CHSY3: variants seen among roughly 807,000 people sequenced by gnomAD.
The protein encoded by CHSY3 is N-acetylgalactosaminyl-proteoglycan 3-beta-glucuronosyltransferase 3.
CHSY3 carries 35 observed loss-of-function variants against 67.2 expected under a neutral mutation model. The observed-to-expected ratio is 0.52, with a 90% CI of 0.40 to 0.69. The LOEUF (loss-of-function observed/expected upper bound fraction) is 0.69, where lower values mean the gene tolerates loss of function less well. Ranked by LOEUF, CHSY3 falls within the 30% of genes least tolerant of loss-of-function variation. The pLI, the probability that CHSY3 is intolerant of heterozygous loss-of-function variation, is 0.00. For synonymous variants in CHSY3, 474 were observed against 434.7 expected (o/e 1.09, Z -1.12); for missense variants, 1,069 against 1,138.5 (o/e 0.94, Z 0.88).
chr5:129,949,262 T>A (rs191586457), intron 2 of CHSY3, among the ~76,000 whole-genome samples: 1 of 152,204 alleles, frequency 6.6e-6, no homozygotes, highest in African/African-American at 2.4e-5. Flanking sequence ...ACAAAGAAGT[T>A]GGAAGGTATT....
chr5:130,078,555 T>C (rs1364364310), intron 2 of CHSY3, among the ~76,000 whole-genome samples: 1 of 152,184 alleles, frequency 6.6e-6, no homozygotes, highest in East Asian at 1.9e-4. Flanking sequence ...ATTGGATTTT[T>C]TTATTAGATA....
intron 2 of CHSY3, among the ~76,000 whole-genome samples, chr5:129,992,724 G>T (rs981129048): frequency 5.9e-5 from 9 of 152,166 alleles, no homozygotes; most frequent in African/African-American, 2.2e-4. Flanking sequence ...GCCATTAGTA[G>T]TGTTGTCACC....
chr5:130,185,136 A>G lies in CHSY3; in HGVS notation c.1994A>G (p.Gln665Arg). The change falls in exon 3 of 3, where the codon CAA (glutamine) becomes CGA (arginine). Residue 665 changes from glutamine (Q) to arginine (R), a missense_variant. By Grantham distance (43) the Gln-to-Arg change is conservative. Around this residue, in one of 5 missense-constraint regions of CHSY3, gnomAD observed 401 missense variants for 395.2 expected, o/e 1.01. Transcript: ENST00000305031. ...ATCCTTTTCAGTAGGGATTCTGGCCAAGACTCCAGCAAGCATATTGAGCTG... is the reference window on the plus strand; with the variant it reads ...ATCCTTTTCAGTAGGGATTCTGGCCGAGACTCCAGCAAGCATATTGAGCTG... ...VIILFSRDSGQDSSKHIELIK... is the reference protein window; with the variant it reads ...VIILFSRDSGRDSSKHIELIK... 6.2e-7 allele frequency: 1 copy of G among 1,601,612 alleles called. No homozygotes were observed. Among genetic ancestry groups the G allele is most frequent in the Non-Finnish European group, 8.6e-7 (1 of 1,168,662 alleles).
rs2149717748 is a variant in CHSY3 at position 130,138,544 on chromosome 5, A to G, written c.1087-45685A>G. Among the ~76,000 whole-genome samples, 4 of 152,322 alleles carry G rather than the reference A, an allele frequency of 2.6e-5. 1 individual carries two copies. In the South Asian group the frequency reaches 8.3e-4, roughly 32 times the overall value. On this transcript the variant is annotated intron_variant, in intron 2 of 2. Transcript: ENST00000305031. Reference sequence around the variant, plus strand: ...GCTACAGGCAAGAAGGTTAGACAGAAAGCTGATACTAAAAGAATGGCAGAC... The same window carrying G: ...GCTACAGGCAAGAAGGTTAGACAGAGAGCTGATACTAAAAGAATGGCAGAC...
intron 2 of CHSY3, among the ~76,000 whole-genome samples, chr5:129,979,856 C>G (rs906284848): frequency 6.6e-6 from 1 of 152,114 alleles, no homozygotes; most frequent in African/African-American, 2.4e-5. Flanking sequence ...AGTACATAAC[C>G]TTTTTCGCTT....
At chr5:130,026,918 C>T (rs1764560028) in intron 2 of CHSY3, among the ~76,000 whole-genome samples, 2 of 152,038 alleles carry the variant, frequency 1.3e-5, no homozygotes. Context: ...TGTGTGCATT[C>T]ACACATAAGT....
In CHSY3 at chr5:129,984,974, A is replaced by G. The variant is rs1402234938; in HGVS notation, c.1086+76614A>G. ...AATAATTTCTCCCATTCTATAGGCT[A>G]TTTATGCTGTTGATAGTTTTGTTTT... On this transcript the variant is annotated intron_variant, in intron 2 of 2. Transcript: ENST00000305031. Among the ~76,000 whole-genome samples, 7 of 151,832 alleles carry G rather than the reference A, an allele frequency of 4.6e-5. No individual in the cohort carries two copies. In the South Asian group the frequency reaches 8.3e-4, roughly 18 times the overall value.
chr5:130,021,364 G>A (rs1216518439), intron 2 of CHSY3, among the ~76,000 whole-genome samples: 2 of 151,850 alleles, frequency 1.3e-5, no homozygotes, highest in African/African-American at 4.8e-5. Context: ...GAGAGTTTTT[G>A]GATTACTATT....
chr5:130,009,319 C>T (rs935814167), intron 2 of CHSY3, among the ~76,000 whole-genome samples: 1 of 151,858 alleles, frequency 6.6e-6, no homozygotes, highest in African/African-American at 2.4e-5. Context: ...TATTCAGCAT[C>T]GCTAAAGAAA....
intron 2 of CHSY3, among the ~76,000 whole-genome samples, chr5:130,169,436 A>G (rs771253292): frequency 6.6e-5 from 10 of 152,030 alleles, no homozygotes; most frequent in Non-Finnish European, 1.2e-4. Context: ...CAGCATTCCA[A>G]ATTTCCCTGA....
rs33960181 is a variant in CHSY3, at chr5:129,932,103, C to CATATAT, written c.1086+23778_1086+23783dup. On this transcript the variant is annotated intron_variant, in intron 2 of 2. Transcript: ENST00000305031. The stretch of plus-strand genomic sequence containing the variant: ...CCATATGTAATGTAAACCATAAAAC[C>CATATAT]ATATATATATATATATATATATATA... Among the ~76,000 whole-genome samples, 451 of 114,708 alleles carry CATATAT rather than the reference C, an allele frequency of 3.9e-3. 8 individuals carry two copies. The highest frequency in any genetic ancestry group is 5.2e-3 in the East Asian group (21 of 4,038). 75.3% of individuals were successfully genotyped at this position (114,708 alleles called of 152,430 possible). A position where few individuals can be genotyped will look rare whatever the true frequency, so the allele number is the denominator to read the frequency against.
chr5:130,101,699 G>C (rs1226498716), intron 2 of CHSY3, among the ~76,000 whole-genome samples: 1 of 151,938 alleles, frequency 6.6e-6, no homozygotes, highest in Non-Finnish European at 1.5e-5. Flanking sequence ...TATTCCTCTT[G>C]TCTAACTTAT....
intron 2 of CHSY3, among the ~76,000 whole-genome samples, chr5:130,090,926 A>G (rs965583516): frequency 6.6e-6 from 1 of 152,118 alleles, no homozygotes; most frequent in African/African-American, 2.4e-5. Flanking sequence ...ATGCTATTTA[A>G]AGCATGTTGT....
intron 2 of CHSY3, among the ~76,000 whole-genome samples, chr5:129,919,489 G>A (rs997450704): frequency 6.6e-6 from 1 of 152,178 alleles, no homozygotes; most frequent in Non-Finnish European, 1.5e-5. Context: ...AGTTCCACGT[G>A]GCTGGGGAGG....
At chr5:129,991,592 TA>T (rs1402970956) in intron 2 of CHSY3, among the ~76,000 whole-genome samples, 4 of 152,156 alleles carry the variant, frequency 2.6e-5, no homozygotes, top group African/African-American at 9.7e-5. Context: ...GAGTTTGTCC[TA>T]AAGTTGAGTG....
At chr5:129,929,744 G>A (rs1381881570) in intron 2 of CHSY3, among the ~76,000 whole-genome samples, 1 of 152,052 alleles carries the variant, frequency 6.6e-6, no homozygotes, top group East Asian at 1.9e-4. Flanking sequence ...TAATTTCTAG[G>A]AGTGTCTTTT....
intron 2 of CHSY3, among the ~76,000 whole-genome samples, chr5:130,101,153 C>A (rs1437229815): frequency 6.6e-6 from 1 of 152,220 alleles, no homozygotes; most frequent in African/African-American, 2.4e-5. Flanking sequence ...TTTTCTCGTG[C>A]ATGATCACAC....
chr5:130,185,018 C>T lies in CHSY3; in HGVS notation c.1876C>T (p.Pro626Ser). The change falls in exon 3 of 3, where the codon CCT (proline) becomes TCT (serine). Residue 626 changes from proline (P) to serine (S), a missense_variant. Physicochemically the swap from Pro to Ser is moderately conservative, Grantham distance 74 (BLOSUM62 -1). Coordinates refer to ENST00000305031, the MANE Select transcript of CHSY3 (RefSeq NM_175856.5). Reference protein sequence around the residue: ...HNEKKVHILVPLIGRYDIFLR... With the variant: ...HNEKKVHILVSLIGRYDIFLR... ...TGAAAAGAAAGTACACATTCTCGTTCCTCTCATCGGAAGGTATGACATTTT... is the reference window on the plus strand; with the variant it reads ...TGAAAAGAAAGTACACATTCTCGTTTCTCTCATCGGAAGGTATGACATTTT... The T allele has an allele frequency of 1.3e-6, 2 of 1,571,532 alleles. No individual in the cohort carries two copies. Among genetic ancestry groups the T allele is most frequent in the Non-Finnish European group, 1.8e-6 (2 of 1,141,376 alleles).
At chr5:130,000,080 TGAG>T (rs554038314) in intron 2 of CHSY3, among the ~76,000 whole-genome samples, 117 of 152,340 alleles carry the variant, frequency 7.7e-4, no homozygotes, top group African/African-American at 2.8e-3. Flanking sequence ...GTATTTTTTA[TGAG>T]GAGTATTACC....
Sources: allele counts gnomAD v4.1 joint callset (sites outside exome capture counted in the v4.1 genomes callset), GRCh38; gene constraint gnomAD v4.1.1; regional missense constraint gnomAD v4.1.1; transcripts MANE v1.5; gene names NCBI Gene and HGNC (gene_info 2026-07-23, HGNC 2026-07-21).